The following GALNTL6 variants were observed in gnomAD, a reference collection of about 807,000 sequenced individuals.
GALNTL6 encodes polypeptide N-acetylgalactosaminyltransferase like 6, also known as polypeptide N-acetylgalactosaminyltransferase-like 6.
Under a neutral mutation model 73.7 loss-of-function variants are expected in GALNTL6, and 46 were observed. That is an observed-to-expected ratio of 0.62 (90% CI 0.49 to 0.80). The LOEUF is 0.80. Ranked by LOEUF, GALNTL6 falls within the 30% of genes least tolerant of loss-of-function variation. The pLI, the probability that GALNTL6 is intolerant of heterozygous loss-of-function variation, is 0.00. For synonymous variants in GALNTL6, 259 were observed against 263.7 expected, an observed-to-expected ratio of 0.98 and a Z score of 0.17; for missense variants, 604 against 755.0, an observed-to-expected ratio of 0.80 and a Z score of 2.34.
intron 5 of GALNTL6, among the ~76,000 whole-genome samples, chr4:172,679,604 C>A (rs1470949429): frequency 2.6e-5 from 4 of 152,100 alleles, no homozygotes; most frequent in African/African-American, 9.7e-5. Context: ...TGTTCTCTGT[C>A]TTAGATGCTG....
At chr4:172,734,319 T>G (rs780064758) in intron 5 of GALNTL6, among the ~76,000 whole-genome samples, 1 of 152,158 alleles carries the variant, frequency 6.6e-6, no homozygotes, top group Non-Finnish European at 1.5e-5. Context: ...GAAATTTGCA[T>G]AAGTAACAAG....
At chr4:172,275,203 G>C (rs1011410238) in intron 3 of GALNTL6, among the ~76,000 whole-genome samples, 1 of 152,084 alleles carries the variant, frequency 6.6e-6, no homozygotes, top group Non-Finnish European at 1.5e-5. Context: ...TTGATGTTTT[G>C]ACAATTAGAA....
At chr4:172,456,217 A>G (rs1294367195) in intron 5 of GALNTL6, among the ~76,000 whole-genome samples, 1 of 152,158 alleles carries the variant, frequency 6.6e-6, no homozygotes, top group Admixed American at 6.5e-5. Flanking sequence ...TAAAGGCCAA[A>G]TGTAGATAAA....
intron 2 of GALNTL6, among the ~76,000 whole-genome samples, chr4:172,023,794 T>G (rs536515473): frequency 1.3e-5 from 2 of 151,868 alleles, no homozygotes; most frequent in African/African-American, 2.4e-5. Flanking sequence ...CCTATCTCCT[T>G]TGGAGAAACA....
intron 2 of GALNTL6, among the ~76,000 whole-genome samples, chr4:172,216,335 T>C (rs948014745): frequency 1.2e-4 from 19 of 152,042 alleles, no homozygotes; most frequent in African/African-American, 4.3e-4. Flanking sequence ...TTTTTGTTTT[T>C]TTTTTCTTTC....
intron 3 of GALNTL6, among the ~76,000 whole-genome samples, chr4:172,249,322 A>G (rs1274910177): frequency 6.6e-6 from 1 of 152,216 alleles, no homozygotes; most frequent in African/African-American, 2.4e-5. Context: ...GATTTAGGGT[A>G]TCTGGCAGAA....
At chr4:172,203,974 G>A (rs1206338528) in intron 2 of GALNTL6, among the ~76,000 whole-genome samples, 2 of 152,166 alleles carry the variant, frequency 1.3e-5, no homozygotes, top group South Asian at 2.1e-4. Flanking sequence ...TCGAACTAAC[G>A]ACCTCAGGTG....
At chr4:172,387,143 A>G (rs1258314548) in intron 5 of GALNTL6, among the ~76,000 whole-genome samples, 3 of 152,142 alleles carry the variant, frequency 2.0e-5, no homozygotes, top group Non-Finnish European at 4.4e-5. Flanking sequence ...CCCACCTCCA[A>G]ATAACCTTCT....
chr4:172,066,127 G>C (rs1406905854), intron 2 of GALNTL6, among the ~76,000 whole-genome samples: 1 of 152,012 alleles, frequency 6.6e-6, no homozygotes, highest in Admixed American at 6.6e-5. Flanking sequence ...TTTACATCAG[G>C]GTTCACTCTT....
At chr4:172,497,793 G>A (rs536881076) in intron 5 of GALNTL6, among the ~76,000 whole-genome samples, 1 of 152,222 alleles carries the variant, frequency 6.6e-6, no homozygotes, top group Admixed American at 6.5e-5. Context: ...AGGAAAGGGT[G>A]ATTACCATGT....
intron 3 of GALNTL6, among the ~76,000 whole-genome samples, chr4:172,271,389 A>G (rs775889709): frequency 2.0e-5 from 3 of 152,182 alleles, no homozygotes; most frequent in Non-Finnish European, 4.4e-5. Flanking sequence ...TTTCATACAT[A>G]CACACATACA....
chr4:172,387,137 C>T (rs1475623479), intron 5 of GALNTL6, among the ~76,000 whole-genome samples: 2 of 152,106 alleles, frequency 1.3e-5, no homozygotes, highest in Non-Finnish European at 2.9e-5. Flanking sequence ...AAAGGGCCCA[C>T]CTCCAAATAA....
chr4:172,561,027 G>A (rs1463543130), intron 5 of GALNTL6, among the ~76,000 whole-genome samples: 1 of 152,020 alleles, frequency 6.6e-6, no homozygotes, highest in African/African-American at 2.4e-5. Flanking sequence ...GCCAAGGCGG[G>A]TGGATCATGA....
chr4:171,919,673 A>G (rs1378147718), intron 2 of GALNTL6, among the ~76,000 whole-genome samples: 1 of 152,128 alleles, frequency 6.6e-6, no homozygotes, highest in African/African-American at 2.4e-5. Flanking sequence ...TCAGAATGGT[A>G]ATGTATTCTC....
chr4:171,843,414 A>T (rs1579502787), intron 2 of GALNTL6, among the ~76,000 whole-genome samples: 2 of 152,152 alleles, frequency 1.3e-5, no homozygotes, highest in Admixed American at 1.3e-4. Context: ...TTCATCCATA[A>T]AAGATTACTG....
chr4:172,628,370 G>C (rs762239499), intron 5 of GALNTL6, among the ~76,000 whole-genome samples: 1 of 152,048 alleles, frequency 6.6e-6, no homozygotes, highest in Non-Finnish European at 1.5e-5. Flanking sequence ...ACAATCTCAA[G>C]TCCTACTGAT....
intron 2 of GALNTL6, among the ~76,000 whole-genome samples, chr4:172,153,665 G>A (rs1232116385): frequency 2.6e-5 from 4 of 152,074 alleles, no homozygotes; most frequent in Non-Finnish European, 2.9e-5. Context: ...TGCTTTGATC[G>A]TTTGTCTACT....
At chr4:172,814,481 T>A (rs1741491777) in intron 7 of GALNTL6, among the ~76,000 whole-genome samples, 1 of 152,180 alleles carries the variant, frequency 6.6e-6, no homozygotes, top group Admixed American at 6.5e-5. Context: ...CCAGAGATTA[T>A]CCAAGGTATA....
chr4:172,408,236 C>T (rs1744305903), intron 5 of GALNTL6, among the ~76,000 whole-genome samples: 1 of 151,894 alleles, frequency 6.6e-6, no homozygotes, highest in East Asian at 1.9e-4. Context: ...ATACAGAATC[C>T]ATTCGAGTGC....
Sources: allele counts gnomAD v4.1 joint callset (sites outside exome capture counted in the v4.1 genomes callset), GRCh38; gene constraint gnomAD v4.1.1; transcripts MANE v1.5; gene names NCBI Gene and HGNC (gene_info 2026-07-23, HGNC 2026-07-21).